MCC: variants seen among roughly 807,000 people sequenced by gnomAD.
MCC encodes the protein MCC regulator of Wnt signaling pathway.
MCC carries 90 observed loss-of-function variants against 116.2 expected under a neutral mutation model. The observed-to-expected ratio is 0.77, with a 90% confidence interval of 0.65 to 0.92. MCC has a LOEUF of 0.92. MCC is among the 40% of genes least tolerant of loss of function. MCC has a pLI of 0.00. For missense variants in MCC, 1,516 were observed against 1,312.2 expected, an observed-to-expected ratio of 1.16 and a Z score of -2.40; for synonymous variants, 578 against 510.5, an observed-to-expected ratio of 1.13 and a Z score of -1.78.
chr5:113,183,386 G>T (rs761211392), intron 3 of MCC, among the ~76,000 whole-genome samples: 3 of 152,050 alleles, frequency 2.0e-5, no homozygotes, highest in Admixed American at 6.6e-5. Flanking sequence ...CTTCCTTCAG[G>T]TACCAGGTCA....
At chr5:113,103,834 C>A (rs1043880131) in intron 7 of MCC, among the ~76,000 whole-genome samples, 2 of 152,138 alleles carry the variant, frequency 1.3e-5, no homozygotes, top group East Asian at 1.9e-4. Flanking sequence ...ATTCTAGAGG[C>A]CTTAGAGCTT....
At chr5:113,176,948 T>A (rs1355588680) in intron 3 of MCC, among the ~76,000 whole-genome samples, 2 of 152,082 alleles carry the variant, frequency 1.3e-5, no homozygotes, top group East Asian at 3.9e-4. Context: ...TCTAAACTGT[T>A]CTCCAAAGGA....
chr5:113,044,491 C>T, intron 16 of MCC: 1 of 984,130 alleles, frequency 1.0e-6, no homozygotes. Context: ...GATGATCTCT[C>T]AACGGACATG....
intron 12 of MCC, 145 bp from the exon 13 acceptor site, chr5:113,068,328 C>A: frequency 3.2e-6 from 2 of 624,188 alleles, no homozygotes; most frequent in Non-Finnish European, 5.7e-6. Context: ...TGAATATTCC[C>A]AGGGCAGGGC....
At chr5:113,433,520 G>A (rs11953401) in intron 1 of MCC, 44,836 of 628,356 alleles carry the variant, frequency 0.071, 2,964 homozygotes, top group African/African-American at 0.27. Flanking sequence ...AGTAGGAGTC[G>A]CACGACTGTC....
At chr5:113,069,560 C>T (rs980898805) in intron 12 of MCC, among the ~76,000 whole-genome samples, 8 of 152,212 alleles carry the variant, frequency 5.3e-5, no homozygotes, top group African/African-American at 1.9e-4. Flanking sequence ...AGACAATTTC[C>T]TTTGATTGCC....
chr5:113,446,676 T>C (rs1227518518), intron 1 of MCC, among the ~76,000 whole-genome samples: 1 of 152,014 alleles, frequency 6.6e-6, no homozygotes, highest in African/African-American at 2.4e-5. Context: ...TTTGGAGACT[T>C]CCCAAAGAAC....
intron 3 of MCC, among the ~76,000 whole-genome samples, chr5:113,206,055 G>C (rs1733367312): frequency 6.6e-6 from 1 of 152,224 alleles, no homozygotes. Flanking sequence ...TACACCACTG[G>C]ACAACTCAAT....
intron 2 of MCC, among the ~76,000 whole-genome samples, chr5:113,373,188 T>A (rs10477491): frequency 0.43 from 52,273 of 120,384 alleles, 10,108 homozygotes; most frequent in African/African-American, 0.57. Flanking sequence ...CAAAAAAAAA[T>A]AAAATAAAAT....
chr5:113,472,879 G>C lies in MCC; in HGVS notation c.170+15366C>G, dbSNP rs149806802. On this transcript the variant is annotated intron_variant, in intron 1 of 18. Coordinates refer to ENST00000408903, the MANE Select transcript of MCC (RefSeq NM_001085377.2). The stretch of plus-strand genomic sequence containing the variant: ...AATGAGAAAAATCAAAATGCTATTT[G>C]GGAGTGTGAAGCACCGTATTTTGTC... Among the ~76,000 whole-genome samples the C allele has an allele frequency of 5.7e-4, 87 of 152,254 alleles. 1 individual carries two copies. In the Middle Eastern group the frequency reaches 0.014, roughly 24 times the overall value.
intron 1 of MCC, among the ~76,000 whole-genome samples, chr5:113,388,457 T>C (rs1167178855): frequency 6.6e-6 from 1 of 152,040 alleles, no homozygotes; most frequent in Non-Finnish European, 1.5e-5. Context: ...TGGTAGGAAG[T>C]GTTTGGGTCA....
At chr5:113,350,263 A>C (rs930152282) in intron 2 of MCC, among the ~76,000 whole-genome samples, 3 of 152,032 alleles carry the variant, frequency 2.0e-5, no homozygotes, top group African/African-American at 7.2e-5. Context: ...AGAGAACAAA[A>C]CTGGAGGAAT....
chr5:113,381,375 G>A (rs1349261088), intron 2 of MCC, among the ~76,000 whole-genome samples: 1 of 152,218 alleles, frequency 6.6e-6, no homozygotes, highest in Admixed American at 6.5e-5. Flanking sequence ...ATTAAGGTTG[G>A]AAGTCTGTAA....
chr5:113,314,755 T>C (rs78728750), intron 3 of MCC, among the ~76,000 whole-genome samples: 2,903 of 152,230 alleles, frequency 0.019, 38 homozygotes, highest in Non-Finnish European at 0.024. Flanking sequence ...GCCCAGCTAA[T>C]TTTTGTATTT....
At chr5:113,327,740 A>C (rs1409047102) in intron 3 of MCC, among the ~76,000 whole-genome samples, 2 of 150,764 alleles carry the variant, frequency 1.3e-5, no homozygotes, top group African/African-American at 2.4e-5. Flanking sequence ...GACAAAGAGC[A>C]GCTGACATTT....
At chr5:113,432,091 G>A (rs1254598886) in intron 1 of MCC, among the ~76,000 whole-genome samples, 2 of 151,760 alleles carry the variant, frequency 1.3e-5, no homozygotes, top group Non-Finnish European at 1.5e-5. Context: ...AGCCAAGATC[G>A]TGCCACTGCA....
intron 5 of MCC, among the ~76,000 whole-genome samples, chr5:113,133,402 C>A (rs1476562445): frequency 6.6e-6 from 1 of 152,090 alleles, no homozygotes; most frequent in African/African-American, 2.4e-5. Flanking sequence ...TCTTTTTGTG[C>A]TTTCTGGCTT....
chr5:113,428,184 C>A (rs1001929999), intron 1 of MCC, among the ~76,000 whole-genome samples: 1 of 152,126 alleles, frequency 6.6e-6, no homozygotes, highest in Non-Finnish European at 1.5e-5. Flanking sequence ...CATATAAAAT[C>A]TTCAACCTCT....
chr5:113,309,926 C>G (rs528336963), intron 3 of MCC, among the ~76,000 whole-genome samples: 11 of 150,808 alleles, frequency 7.3e-5, no homozygotes, highest in African/African-American at 2.7e-4. Flanking sequence ...TCTTCCCTCC[C>G]TCCCTCCCTC....
Sources: allele counts gnomAD v4.1 joint callset (sites outside exome capture counted in the v4.1 genomes callset), GRCh38; gene constraint gnomAD v4.1.1; transcripts MANE v1.5; gene names NCBI Gene and HGNC (gene_info 2026-07-23, HGNC 2026-07-21).